The following SMAD2 variants were observed in gnomAD, a reference collection of about 807,000 sequenced individuals.
SMAD2 encodes SMAD family member 2, also known as MAD homolog 2.
In SMAD2, 8 loss-of-function variants were observed where a neutral mutation model predicts 64.4. That is an observed-to-expected ratio of 0.12 (90% confidence interval 0.07 to 0.22). SMAD2 has a LOEUF of 0.22. Among genes scored for constraint, SMAD2 ranks in the 10% least tolerant of loss-of-function variants. The probability of loss-of-function intolerance (pLI) is 1.00; values close to 1 mark genes in which losing one functional copy is unlikely to be tolerated. For missense variants in SMAD2, 289 were observed against 561.2 expected (o/e 0.51, Z 4.90); for synonymous variants, 203 against 195.8 (o/e 1.04, Z -0.31).
In SMAD2 at chr18:47,836,467, A is replaced by G. The variant is rs1033845117; in HGVS notation, c.*5360T>C. 4.5e-6 allele frequency: 1 copy of G among 220,540 alleles called. No individual in the cohort carries two copies. The highest frequency in any genetic ancestry group is 9.1e-6 in the Non-Finnish European group (1 of 110,196). The allele number at this position is 220,540 out of a possible 1,614,324, so 13.7% of individuals were successfully genotyped here. ...TGCCAAATGGCAGATTAAGAAAATT[A>G]ATGTACTCCAATGGTCTGTCCATGA... On this transcript the variant is annotated 3_prime_UTR_variant, in exon 11 of 11. Transcript: ENST00000262160.
intron 1 of SMAD2, among the ~76,000 whole-genome samples, chr18:47,928,216 T>C (rs2034845827): frequency 1.3e-5 from 2 of 152,282 alleles, no homozygotes; most frequent in African/African-American, 4.8e-5. Context: ...AAAAAGCTGC[T>C]ACAAAACGAG....
intron 1 of SMAD2, among the ~76,000 whole-genome samples, chr18:47,908,883 T>C (rs2034011675): frequency 6.6e-6 from 1 of 152,196 alleles, no homozygotes; most frequent in African/African-American, 2.4e-5. Flanking sequence ...ACCATAAGCC[T>C]TGACTAATAC....
In SMAD2 at chr18:47,818,160, C is replaced by T. The variant is rs1167248068; in HGVS notation, c.*23667G>A. On this transcript the variant is annotated 3_prime_UTR_variant, in exon 11 of 11. Coordinates refer to ENST00000262160, the MANE Select transcript of SMAD2 (RefSeq NM_005901.6). The stretch of plus-strand genomic sequence containing the variant: ...CTAAGCTCTCTAATTTTTTTTCTGC[C>T]TACTTTAAATCTGCTGTTTCTGCCA... 6.6e-6 allele frequency: 1 copy of T among 151,778 alleles called. No homozygotes were observed. Among genetic ancestry groups the T allele is most frequent in the Non-Finnish European group, 1.5e-5 (1 of 67,970 alleles). The allele number at this position is 151,778 out of a possible 1,614,324, so 9.4% of individuals were successfully genotyped here.
intron 2 of SMAD2, among the ~76,000 whole-genome samples, chr18:47,894,278 C>T (rs1406595636): frequency 6.6e-6 from 1 of 152,188 alleles, no homozygotes; most frequent in Admixed American, 6.5e-5. Context: ...ACCAGTCTCC[C>T]GGCCTCCATT....
In SMAD2 at chr18:47,827,185, G is replaced by A. The variant is rs888417618; in HGVS notation, c.*14642C>T. The stretch of plus-strand genomic sequence containing the variant: ...ATTGAGTTTTCATTCTATTATCCAA[G>A]GTAACTGAAGTATTTGACTGTACAG... On this transcript the variant is annotated 3_prime_UTR_variant, in exon 11 of 11. Transcript: ENST00000262160. 3 of 152,096 alleles carry A rather than the reference G, an allele frequency of 2.0e-5. No homozygotes were observed. Among genetic ancestry groups the A allele is most frequent in the Non-Finnish European group, 4.4e-5 (3 of 68,010 alleles). The allele number at this position is 152,096 out of a possible 1,614,324, so 9.4% of individuals were successfully genotyped here. A position where few individuals can be genotyped will look rare whatever the true frequency, so the allele number is the denominator to read the frequency against.
In SMAD2 at chr18:47,896,560, G is replaced by A. The variant is rs2033447144; in HGVS notation, c.197C>T (p.Thr66Ile). 2.5e-6 allele frequency: 4 copies of A among 1,614,008 alleles called. No homozygotes were observed. The highest frequency in any genetic ancestry group is 3.4e-6 in the Non-Finnish European group (4 of 1,180,018). Residue 66 changes from threonine to isoleucine, a missense_variant, in exon 2 of 11, where the codon ACC (threonine) becomes ATC (isoleucine). Physicochemically the swap from Thr to Ile is moderately conservative, Grantham distance 89. This residue lies in a region of SMAD2 where 89 missense variants were observed against 137.1 expected (regional missense o/e 0.65). Transcript: ENST00000262160. ...GRLDELEKAI[T>I]TQNCNTKCVT... ...ACATTTAGTATTACAGTTTTGAGTGGTGATGGCTTTCTCAAGCTCATCTAA... is the reference window on the plus strand; with the variant it reads ...ACATTTAGTATTACAGTTTTGAGTGATGATGGCTTTCTCAAGCTCATCTAA...
intron 7 of SMAD2, 48 bp downstream of exon 7, chr18:47,851,226 T>C (rs2030034501): frequency 4.0e-6 from 5 of 1,241,888 alleles, no homozygotes; most frequent in Non-Finnish European, 5.9e-6. Context: ...TATTATTAAG[T>C]AGGTGATACA....
chr18:47,881,873 T>G (rs1056075745), intron 2 of SMAD2, among the ~76,000 whole-genome samples: 1 of 151,944 alleles, frequency 6.6e-6, no homozygotes, highest in Non-Finnish European at 1.5e-5. Flanking sequence ...TACATAGTTT[T>G]TTTGTTTGTT....
At chr18:47,845,240 C>T (rs1318331026) in intron 10 of SMAD2, 100 bp downstream of exon 10, 1 of 1,212,010 alleles carries the variant, frequency 8.3e-7, no homozygotes, top group East Asian at 2.3e-5. Flanking sequence ...GACTCTATAA[C>T]CTCATTGAAA....
intron 2 of SMAD2, among the ~76,000 whole-genome samples, chr18:47,887,525 C>G (rs1265556456): frequency 6.6e-6 from 1 of 152,176 alleles, no homozygotes; most frequent in African/African-American, 2.4e-5. Flanking sequence ...TCAGGCTTGT[C>G]TGCTTGGATC....
rs948941895 is a variant in SMAD2, at chr18:47,840,026, C to A, written c.*1801G>T. The A allele has an allele frequency of 1.7e-5, 4 of 233,026 alleles. No individual in the cohort carries two copies. The highest frequency in any genetic ancestry group is 8.8e-5 in the African/African-American group (4 of 45,318). 14.4% of individuals were successfully genotyped at this position (233,026 alleles called of 1,614,324 possible). A position where few individuals can be genotyped will look rare whatever the true frequency, so the allele number is the denominator to read the frequency against. ...GCAGGAACTGTAGTTGTCTTGTTCA[C>A]CTTTACCCAAAGACTAAGAAAAGTT... is the stretch of plus-strand genomic sequence containing the variant. On this transcript the variant is annotated 3_prime_UTR_variant, in exon 11 of 11. Transcript: ENST00000262160.
chr18:47,887,355 G>T (rs957459989), intron 2 of SMAD2, among the ~76,000 whole-genome samples: 11 of 152,160 alleles, frequency 7.2e-5, no homozygotes, highest in African/African-American at 2.4e-4. Context: ...TCCCGGTTCT[G>T]AAATAGCAGG....
At chr18:47,915,754 TC>T (rs2034307456) in intron 1 of SMAD2, among the ~76,000 whole-genome samples, 10 of 152,312 alleles carry the variant, frequency 6.6e-5, no homozygotes, top group East Asian at 3.9e-4. Context: ...GTAACCACAA[TC>T]CCCAAAAAAA....
intron 1 of SMAD2, among the ~76,000 whole-genome samples, chr18:47,903,886 G>T (rs1296979630): frequency 2.3e-5 from 3 of 132,704 alleles, no homozygotes; most frequent in East Asian, 2.7e-4. Context: ...TGGGGGGGGG[G>T]GGGACTCAGA....
intron 2 of SMAD2, among the ~76,000 whole-genome samples, chr18:47,889,556 G>A (rs954417127): frequency 1.3e-5 from 2 of 152,124 alleles, no homozygotes; most frequent in East Asian, 1.9e-4. Flanking sequence ...CGGATCACGA[G>A]GTCAGGAGAT....
At chr18:47,882,986 T>C (rs974551222) in intron 2 of SMAD2, among the ~76,000 whole-genome samples, 2 of 152,226 alleles carry the variant, frequency 1.3e-5, no homozygotes, top group East Asian at 1.9e-4. Flanking sequence ...TCATTTGTGA[T>C]TGTGGGCTCT....
rs545693083 is a variant in SMAD2, at chr18:47,926,597, TG to T, written c.-54+3763del. On this transcript the variant is annotated intron_variant, in intron 1 of 10. Coordinates refer to ENST00000262160, the MANE Select transcript of SMAD2 (RefSeq NM_005901.6). ...TGCAGGTTTAGAAGCCAGATAACTT[TG>T]CTTGTTAGAAACACTTTAAATAAAT... 4.5e-3 allele frequency among the ~76,000 whole-genome samples: 681 copies of T among 152,302 alleles called. 5 individuals are homozygous for T. The highest frequency in any genetic ancestry group is 0.016 in the African/African-American group (651 of 41,568).
Position 47,828,042 on chromosome 18 carries a change from C to G in SMAD2, c.*13785G>C, listed in dbSNP as rs562612130. On this transcript the variant is annotated 3_prime_UTR_variant, in exon 11 of 11. Coordinates refer to ENST00000262160, the MANE Select transcript of SMAD2 (RefSeq NM_005901.6). ...ATCGTCTGAGATGTGGGGAGCGCCT[C>G]TGCCCCGCCGCCCCGTCTGGGATGT... The G allele has an allele frequency of 5.7e-6, 1 of 176,090 alleles. No individual in the cohort carries two copies. Among genetic ancestry groups the G allele is most frequent in the South Asian group, 1.2e-4 (1 of 8,668 alleles). The allele number at this position is 176,090 out of a possible 1,614,324, so 10.9% of individuals were successfully genotyped here.
At chr18:47,844,386 G>A (rs1476995954) in intron 10 of SMAD2, among the ~76,000 whole-genome samples, 1 of 152,152 alleles carries the variant, frequency 6.6e-6, no homozygotes, top group African/African-American at 2.4e-5. Context: ...GGCATATGGA[G>A]TAAGCAATAC....
Sources: allele counts gnomAD v4.1 joint callset (sites outside exome capture counted in the v4.1 genomes callset), GRCh38; gene constraint gnomAD v4.1.1; regional missense constraint gnomAD v4.1.1; transcripts MANE v1.5; gene names NCBI Gene and HGNC (gene_info 2026-07-23, HGNC 2026-07-21).